The following INTS6 variants were observed in gnomAD, a reference collection of about 807,000 sequenced individuals.
INTS6 encodes DEAD box protein.
In INTS6, 16 loss-of-function variants were observed where a neutral mutation model predicts 104.9. The ratio of observed to expected loss-of-function variants is 0.15; its 90% CI spans 0.10 to 0.23. The LOEUF (loss-of-function observed/expected upper bound fraction) is 0.23, where lower values mean the gene tolerates loss of function less well. INTS6 is among the 10% of genes least tolerant of loss of function. The probability of loss-of-function intolerance (pLI) is 1.00; values close to 1 mark genes in which losing one functional copy is unlikely to be tolerated. For synonymous variants in INTS6, 324 were observed against 358.7 expected (o/e 0.90, Z 1.09); for missense variants, 584 against 1,062.8 (o/e 0.55, Z 6.26).
chr13:51,384,590 C>T (rs1156259145), intron 7 of INTS6: 1 of 456,166 alleles, frequency 2.2e-6, no homozygotes, highest in Non-Finnish European at 4.4e-6. Context: ...ACAGGTTCCT[C>T]AGACACAATA....
At chr13:51,353,031 T>G (rs1434762069), downstream of INTS6, among the ~76,000 whole-genome samples, 1 of 152,228 alleles carries the variant, frequency 6.6e-6, no homozygotes, top group Non-Finnish European at 1.5e-5. Flanking sequence ...TCTATATTCA[T>G]AAGGTATATT....
intron 3 of INTS6, chr13:51,444,026 CGAAA>C (rs1364610156): frequency 6.6e-6 from 1 of 151,982 alleles, no homozygotes; most frequent in Non-Finnish European, 1.5e-5. Context: ...TCTCCTATAT[CGAAA>C]GAAAGTAAAA....
intron 4 of INTS6, among the ~76,000 whole-genome samples, chr13:51,429,535 G>A (rs957218994): frequency 9.9e-5 from 15 of 151,856 alleles, no homozygotes; most frequent in African/African-American, 3.6e-4. Context: ...AGAGGCCAAG[G>A]CAGGTGGATC....
intron 4 of INTS6, among the ~76,000 whole-genome samples, chr13:51,410,072 G>GA (rs564487265): frequency 6.6e-5 from 10 of 152,072 alleles, no homozygotes; most frequent in South Asian, 2.1e-4. Context: ...AAATATTGCT[G>GA]AAAAAATCAA....
At chr13:51,402,806 GA>G (rs1246342558) in intron 4 of INTS6, 1 of 152,160 alleles carries the variant, frequency 6.6e-6, no homozygotes, top group African/African-American at 2.4e-5. Flanking sequence ...CCATTGGTCT[GA>G]AAAACAAATG....
chr13:51,445,436 A>G (rs1023938599), intron 3 of INTS6: 8 of 152,234 alleles, frequency 5.3e-5, no homozygotes, highest in African/African-American at 1.9e-4. Context: ...AGCTGAAAAA[A>G]ATAGAAAACT....
chr13:51,444,246 C>G (rs1378693183), intron 3 of INTS6: 1 of 145,682 alleles, frequency 6.9e-6, no homozygotes, highest in Non-Finnish European at 1.5e-5. Context: ...CACCACCCCC[C>G]AGCTAATTTT....
intron 3 of INTS6, chr13:51,443,481 G>T (rs989975379): frequency 2.0e-5 from 3 of 152,120 alleles, no homozygotes; most frequent in African/African-American, 2.4e-5. Flanking sequence ...TAAAAATTTA[G>T]TATTTTGTTT....
intron 3 of INTS6, chr13:51,444,747 C>T (rs535309549): frequency 6.8e-6 from 1 of 147,788 alleles, no homozygotes; most frequent in Admixed American, 6.7e-5. Context: ...GAAACTCTAT[C>T]CCAAAAAAAA....
intron 4 of INTS6, among the ~76,000 whole-genome samples, chr13:51,410,045 T>C (rs899240775): frequency 1.3e-5 from 2 of 152,176 alleles, no homozygotes; most frequent in Non-Finnish European, 2.9e-5. Flanking sequence ...ATGTATAAAC[T>C]CCCATCTGAA....
In INTS6 at chr13:51,446,962, A is replaced by G. The variant is rs1952932283; in HGVS notation, c.339+4063T>C. ...AGTTCTGGATATTGGTTGCACAGCA[A>G]TATGAATATACTTAACACTACTGAA... On this transcript the variant is annotated intron_variant, in intron 3 of 17. Transcript: ENST00000311234. 2.0e-5 allele frequency: 3 copies of G among 152,230 alleles called. No homozygotes were observed. The South Asian group carries it at 6.2e-4, about 32-fold the overall frequency. The allele number at this position is 152,230 out of a possible 1,614,324, so 9.4% of individuals were successfully genotyped here.
rs1956054008 is a variant in INTS6 at position 51,381,753 on chromosome 13, A to G, written c.1275+276T>C. Among the ~76,000 whole-genome samples, 4 of 147,924 alleles carry G rather than the reference A, an allele frequency of 2.7e-5. No individual in the cohort carries two copies. The Admixed American group carries it at 2.7e-4, about 10-fold the overall frequency. On this transcript the variant is annotated intron_variant, in intron 10 of 17. Coordinates refer to ENST00000311234, the MANE Select transcript of INTS6 (RefSeq NM_012141.3). ...CGCTCTTGTTGCCCAGGCTGGATGG[A>G]GTGCAGTGGCACAATCTTGGCTCAT...
chr13:51,383,433 C>T lies in INTS6; in HGVS notation c.1076G>A (p.Ser359Asn). 6.2e-7 allele frequency: 1 copy of T among 1,613,966 alleles called. No individual in the cohort carries two copies. Among genetic ancestry groups the T allele is most frequent in the Non-Finnish European group, 8.5e-7 (1 of 1,179,936 alleles). ...GTAACCAAAAGGATGACCAAGTTCACTGTATTTTGCACTATTGCTCACGTA... is the reference window on the plus strand; with the variant it reads ...GTAACCAAAAGGATGACCAAGTTCATTGTATTTTGCACTATTGCTCACGTA... Reference protein sequence around the residue: ...QVYVSNSAKYSELGHPFGYLK... With the variant: ...QVYVSNSAKYNELGHPFGYLK... Residue 359 changes from serine (S) to asparagine (N), a missense_variant, in exon 9 of 18, where the codon AGT becomes AAT. Physicochemically the swap from Ser to Asn is conservative, Grantham distance 46. Coordinates refer to ENST00000311234, the MANE Select transcript of INTS6 (RefSeq NM_012141.3).
At chr13:51,428,608 A>G (rs1970132) in intron 4 of INTS6, among the ~76,000 whole-genome samples, 101,593 of 151,878 alleles carry the variant, frequency 0.67, 35,506 homozygotes, top group African/African-American at 0.88. Flanking sequence ...ACAGGTGTGA[A>G]CCACCACGCC....
At chr13:51,416,975 T>C (rs1306907176) in intron 4 of INTS6, among the ~76,000 whole-genome samples, 1 of 152,238 alleles carries the variant, frequency 6.6e-6, no homozygotes. Context: ...TCATGACTAA[T>C]GATGGTGAGC....
rs182435331 is a variant in INTS6 at position 51,417,685 on chromosome 13, G to A, written c.429+12609C>T. Among the ~76,000 whole-genome samples, 14 of 152,188 alleles carry A rather than the reference G, an allele frequency of 9.2e-5. No homozygotes were observed. The East Asian group carries it at 2.1e-3, about 23-fold the overall frequency. On this transcript the variant is annotated intron_variant, in intron 4 of 17. Transcript: ENST00000311234. ...TTGGCCAGGCTGGTCTCGAACTCCT[G>A]AGCTCAGGCAATCCACCTGCCTTGG...
chr13:51,376,942 A>G (rs1164647858), intron 12 of INTS6, among the ~76,000 whole-genome samples: 1 of 152,220 alleles, frequency 6.6e-6, no homozygotes, highest in African/African-American at 2.4e-5. Context: ...CTACAAGTAG[A>G]ATGACTGATT....
chr13:51,452,953 C>G lies in INTS6; in HGVS notation c.-428G>C. 1 of 1,034,996 alleles carries G rather than the reference C, an allele frequency of 9.7e-7. No homozygotes were observed. The highest frequency in any genetic ancestry group is 6.0e-5 in the Admixed American group (1 of 16,720). The allele number at this position is 1,034,996 out of a possible 1,614,324, so 64.1% of individuals were successfully genotyped here. A position where few individuals can be genotyped will look rare whatever the true frequency, so the allele number is the denominator to read the frequency against. ...GGAGTGGGCTGAGGGAAGATTGGCC[C>G]TGGGGCTGTTGGGAGAAGTTTCAGG... On this transcript the variant is annotated 5_prime_UTR_variant, in exon 1 of 18. Transcript: ENST00000311234. This position sits in a 1 kb window ranked among gnomAD's most constrained non-coding sequence, Gnocchi z 4.2.
At chr13:51,433,006 A>G (rs1482464284) in intron 3 of INTS6, among the ~76,000 whole-genome samples, 1 of 152,222 alleles carries the variant, frequency 6.6e-6, no homozygotes, top group Non-Finnish European at 1.5e-5. Context: ...TCGAAACTAT[A>G]TTATCTTGCT....
Sources: allele counts gnomAD v4.1 joint callset (sites outside exome capture counted in the v4.1 genomes callset), GRCh38; gene constraint gnomAD v4.1.1; non-coding constraint Gnocchi (gnomAD v3.1); transcripts MANE v1.5; gene names NCBI Gene and HGNC (gene_info 2026-07-23, HGNC 2026-07-21).